Variants in TSHR observed in about 807,000 individuals in gnomAD.
TSHR encodes the protein thyrotropin receptor.
A neutral mutation model predicts 64.1 loss-of-function variants in TSHR; 51 were observed. The ratio of observed to expected loss-of-function variants is 0.80; its 90% CI spans 0.64 to 1.01. TSHR has a LOEUF of 1.01. TSHR is among the 50% of genes least tolerant of loss of function. The pLI is 0.00. For synonymous variants in TSHR, 361 were observed against 361.9 expected, an observed-to-expected ratio of 1.00 and a Z score of 0.03; for missense variants, 877 against 942.8, an observed-to-expected ratio of 0.93 and a Z score of 0.91.
intron 8 of TSHR, among the ~76,000 whole-genome samples, chr14:81,111,464 T>G (rs186362552): frequency 6.6e-6 from 1 of 152,316 alleles, no homozygotes; most frequent in African/African-American, 2.4e-5. Context: ...TGGGTTCACA[T>G]GCAAATAGAA....
intron 1 of TSHR, among the ~76,000 whole-genome samples, chr14:81,033,632 A>T (rs923508869): frequency 3.9e-5 from 6 of 151,970 alleles, no homozygotes; most frequent in African/African-American, 1.4e-4. Flanking sequence ...AAAAAAAAAA[A>T]AAAATGTACA....
At chr14:81,061,890 ATTAGT>A (rs1483912260) in intron 1 of TSHR, among the ~76,000 whole-genome samples, 3 of 152,156 alleles carry the variant, frequency 2.0e-5, no homozygotes, top group Non-Finnish European at 4.4e-5. Context: ...GGCAAGACAT[ATTAGT>A]TTACTGCTAA....
At position 81,146,281 on chromosome 14, in the gene TSHR, T is replaced by G. The variant is rs1891923178; in HGVS notation, c.*1928T>G. ...TTGCACTCACAACATGAAATAAATT[T>G]TCTTCCTATGGAATAATCGTGCCAA... On this transcript the variant is annotated 3_prime_UTR_variant, in exon 10 of 10. Coordinates refer to ENST00000298171, the MANE Select transcript of TSHR (RefSeq NM_000369.5). 1 of 198,450 alleles carries G rather than the reference T, an allele frequency of 5.0e-6. No individual in the cohort carries two copies. 12.3% of individuals were successfully genotyped at this position (198,450 alleles called of 1,614,324 possible).
In TSHR at chr14:81,130,985, G is replaced by A. The variant is rs1210682735; in HGVS notation, c.693-8694G>A. 1.0e-3 allele frequency among the ~76,000 whole-genome samples: 80 copies of A among 78,528 alleles called. 16 individuals carry two copies. The highest frequency in any genetic ancestry group is 9.7e-3 in the African/African-American group (77 of 7,968). 51.5% of individuals were successfully genotyped at this position (78,528 alleles called of 152,430 possible). On this transcript the variant is annotated intron_variant, in intron 8 of 9. Transcript: ENST00000298171. ...CGCAGTCCGGCCTGGGCGACAGAGC[G>A]AGACTCCGTCTCCAAAAAAAAAAAA... is the stretch of plus-strand genomic sequence containing the variant.
intron 1 of TSHR, among the ~76,000 whole-genome samples, chr14:81,039,015 G>A (rs1884793927): frequency 6.6e-6 from 1 of 151,656 alleles, no homozygotes; most frequent in South Asian, 2.1e-4. Context: ...AAACTGAAGA[G>A]GAGATAAGTT....
At chr14:81,029,971 A>T (rs1369238353) in intron 1 of TSHR, among the ~76,000 whole-genome samples, 3 of 152,206 alleles carry the variant, frequency 2.0e-5, no homozygotes. Context: ...GCTAGGAATT[A>T]TGCTGGGTTC....
intron 3 of TSHR, among the ~76,000 whole-genome samples, chr14:81,070,625 C>CAAAAAA (rs60958301): frequency 6.3e-5 from 1 of 15,806 alleles, no homozygotes. Flanking sequence ...GATTCCATCT[C>CAAAAAA]AAAAAAAAAA....
chr14:81,085,634 C>T (rs1208782728), intron 3 of TSHR, among the ~76,000 whole-genome samples: 1 of 152,184 alleles, frequency 6.6e-6, no homozygotes, highest in African/African-American at 2.4e-5. Context: ...TCAGCTGACC[C>T]AGGTGGGCTG....
intron 1 of TSHR, among the ~76,000 whole-genome samples, chr14:80,985,738 TC>T (rs915070950): frequency 5.3e-5 from 8 of 152,026 alleles, no homozygotes; most frequent in Non-Finnish European, 1.0e-4. Context: ...GGAACTTGCT[TC>T]CCCCCAGTTG....
At chr14:80,993,522 C>G (rs1213949444) in intron 1 of TSHR, 1 of 152,148 alleles carries the variant, frequency 6.6e-6, no homozygotes, top group Admixed American at 6.6e-5. Flanking sequence ...AGTTTTTGAA[C>G]AGGTACTCCT....
intron 1 of TSHR, among the ~76,000 whole-genome samples, chr14:81,026,342 G>T (rs1311202979): frequency 6.6e-6 from 1 of 152,196 alleles, no homozygotes; most frequent in Non-Finnish European, 1.5e-5. Context: ...ACATACTTGT[G>T]TGTATGTGTG....
At chr14:80,990,625 G>A (rs986168487) in intron 1 of TSHR, among the ~76,000 whole-genome samples, 6 of 152,146 alleles carry the variant, frequency 3.9e-5, no homozygotes, top group South Asian at 4.2e-4. Flanking sequence ...CACAAAACTG[G>A]TGATGGCTTT....
intron 1 of TSHR, among the ~76,000 whole-genome samples, chr14:80,979,627 G>A (rs537344466): frequency 7.9e-5 from 12 of 152,128 alleles, no homozygotes; most frequent in East Asian, 5.8e-4. Context: ...ACAGCATACC[G>A]TATTCCAAAA....
intron 9 of TSHR, among the ~76,000 whole-genome samples, chr14:81,141,181 C>T (rs1400240397): frequency 6.6e-6 from 1 of 152,178 alleles, no homozygotes; most frequent in Non-Finnish European, 1.5e-5. Flanking sequence ...ATATGGGCAT[C>T]ATAGCTGCAA....
rs566539915 is a variant in TSHR, at chr14:81,001,675, G to A, written c.170+45825G>A. On this transcript the variant is annotated intron_variant, in intron 1 of 9. Coordinates refer to ENST00000298171, the MANE Select transcript of TSHR (RefSeq NM_000369.5). ...TCTTTCAGATACTTGGTGGCTTTTC[G>A]TACAGGCACACCCTTGTTGGCCTGG... 105 of 515,026 alleles carry A rather than the reference G, an allele frequency of 2.0e-4. 2 individuals carry two copies. The highest frequency in any genetic ancestry group is 1.6e-3 in the Admixed American group (83 of 51,262). The allele number at this position is 515,026 out of a possible 1,614,324, so 31.9% of individuals were successfully genotyped here. A position where few individuals can be genotyped will look rare whatever the true frequency, so the allele number is the denominator to read the frequency against.
chr14:81,079,745 T>G (rs7161173), intron 3 of TSHR, among the ~76,000 whole-genome samples: 5,581 of 151,866 alleles, frequency 0.037, 322 homozygotes, highest in African/African-American at 0.13. Flanking sequence ...AGTCCCAGCT[T>G]CTCAGGAAGT....
chr14:80,990,467 C>A (rs569908579), intron 1 of TSHR, among the ~76,000 whole-genome samples: 2 of 152,162 alleles, frequency 1.3e-5, no homozygotes, highest in Admixed American at 6.5e-5. Flanking sequence ...CCATGCCCTG[C>A]GGGAAGGTTC....
At chr14:81,115,768 G>A (rs577855037) in intron 8 of TSHR, among the ~76,000 whole-genome samples, 1 of 151,878 alleles carries the variant, frequency 6.6e-6, no homozygotes, top group Non-Finnish European at 1.5e-5. Context: ...AAATGTGAAG[G>A]GCAGCCAGAG....
At chr14:81,067,483 T>TTATA (rs71103896) in intron 2 of TSHR, among the ~76,000 whole-genome samples, 63,038 of 134,616 alleles carry the variant, frequency 0.47, 15,073 homozygotes, top group South Asian at 0.53. Context: ...GTTTATAGTT[T>TTATA]TATATATATA....
Sources: gnomAD v4.1 joint callset for allele counts (sites outside exome capture counted in the v4.1 genomes callset) on GRCh38, gnomAD v4.1.1 for gene constraint, MANE v1.5 for transcripts, NCBI Gene and HGNC (gene_info 2026-07-23, HGNC 2026-07-21) for gene names.